The following ATP10A variants were observed in gnomAD, a reference collection of about 807,000 sequenced individuals.
ATP10A encodes ATPase phospholipid transporting 10A (putative).
In ATP10A, 111 loss-of-function variants were observed where a neutral mutation model predicts 147.8. The observed-to-expected ratio is 0.75, with a 90% CI of 0.64 to 0.88. ATP10A has a LOEUF of 0.88. ATP10A is among the 40% of genes least tolerant of loss of function. The pLI, the probability that ATP10A is intolerant of heterozygous loss-of-function variation, is 0.00. For synonymous variants in ATP10A, 875 were observed against 841.6 expected, an observed-to-expected ratio of 1.04 and a Z score of -0.69; for missense variants, 1,927 against 1,959.0, an observed-to-expected ratio of 0.98 and a Z score of 0.31.
intron 1 of ATP10A, among the ~76,000 whole-genome samples, chr15:25,808,291 G>A (rs12908555): frequency 0.48 from 73,760 of 152,130 alleles, 19,925 homozygotes; most frequent in East Asian, 0.8. Flanking sequence ...ATGGTCACAT[G>A]AGGAAGAGCA....
At chr15:25,812,456 G>T (rs556867514) in intron 1 of ATP10A, among the ~76,000 whole-genome samples, 60 of 152,222 alleles carry the variant, frequency 3.9e-4, no homozygotes, top group Non-Finnish European at 7.2e-4. Flanking sequence ...CATTCAAAGC[G>T]AGGGAAAATA....
chr15:25,827,002 G>A (rs1892146234), intron 1 of ATP10A, among the ~76,000 whole-genome samples: 2 of 152,124 alleles, frequency 1.3e-5, no homozygotes, highest in African/African-American at 4.8e-5. Context: ...GAAAGAATCT[G>A]GAAGAAAGAA....
intron 1 of ATP10A, among the ~76,000 whole-genome samples, chr15:25,816,980 A>C (rs112651504): frequency 0.039 from 6,000 of 151,962 alleles, 182 homozygotes; most frequent in Non-Finnish European, 0.057. Flanking sequence ...GTGTAGGAAA[A>C]AAAAATCCTA....
At chr15:25,676,816 A>C (rs1159963127), downstream of ATP10A, among the ~76,000 whole-genome samples, 1 of 152,112 alleles carries the variant, frequency 6.6e-6, no homozygotes, top group Non-Finnish European at 1.5e-5. Context: ...TATACTTCAC[A>C]TGCCTTCTTT....
chr15:25,802,019 G>A (rs1716515115), intron 1 of ATP10A, among the ~76,000 whole-genome samples: 1 of 152,164 alleles, frequency 6.6e-6, no homozygotes, highest in Admixed American at 6.5e-5. Context: ...AGGGCATGTG[G>A]CCTACTTGGG....
At position 25,793,450 on chromosome 15, in the gene ATP10A, A is replaced by G. The variant is rs547922568; in HGVS notation, c.450-12227T>C. Among the ~76,000 whole-genome samples the G allele has an allele frequency of 6.6e-5, 10 of 152,086 alleles. No individual in the cohort carries two copies. The East Asian group carries it at 1.9e-3, about 30-fold the overall frequency. On this transcript the variant is annotated intron_variant, in intron 1 of 20. Transcript: ENST00000555815. ...TGAGTACTGTGCAGTTTTTGTTCCT[A>G]TTTTTGTAGACCACCTTCCCCACTT...
chr15:25,807,798 A>T (rs931611207), intron 1 of ATP10A, among the ~76,000 whole-genome samples: 2 of 146,792 alleles, frequency 1.4e-5, no homozygotes, highest in Non-Finnish European at 3.0e-5. Flanking sequence ...GTGAAACTCC[A>T]TCCCCCCGGC....
chr15:25,735,239 C>T (rs766471745), intron 3 of ATP10A, among the ~76,000 whole-genome samples: 3 of 152,196 alleles, frequency 2.0e-5, no homozygotes, highest in Non-Finnish European at 2.9e-5. Context: ...CCTGTCACAG[C>T]CTTGTTCTCC....
upstream of ATP10A, among the ~76,000 whole-genome samples, chr15:25,863,412 C>T (rs1893868647): frequency 6.6e-6 from 1 of 152,076 alleles, no homozygotes; most frequent in Non-Finnish European, 1.5e-5. Context: ...CGGCCCCGCC[C>T]TCGTTCCGCG....
chr15:25,704,142 T>C (rs1331235612), intron 12 of ATP10A, among the ~76,000 whole-genome samples: 1 of 152,206 alleles, frequency 6.6e-6, no homozygotes, highest in Non-Finnish European at 1.5e-5. Context: ...CCCTGGCTCA[T>C]CCTGAGTGTC....
Position 25,862,986 on chromosome 15 carries a change from G to T in ATP10A, c.111C>A (p.Ala37=). The T allele has an allele frequency of 7.0e-7, 1 of 1,422,272 alleles. No homozygotes were observed. The highest frequency in any genetic ancestry group is 1.5e-5 in the South Asian group (1 of 65,472). The allele number at this position is 1,422,272 out of a possible 1,614,324, so 88.1% of individuals were successfully genotyped here. A position where few individuals can be genotyped will look rare whatever the true frequency, so the allele number is the denominator to read the frequency against. ...VRSNLLPPPG[A]EDPAAGAAKG... ...TGGCCGCGCCAGCCGCAGGGTCCTC[G>T]GCGCCCGGGGGCGGCAGCAGGTTGG... Residue 37 remains alanine, a synonymous_variant, in exon 1 of 21, where the codon GCC becomes GCA. Transcript: ENST00000555815.
chr15:25,696,691 TG>T (rs1218928803), intron 13 of ATP10A, among the ~76,000 whole-genome samples: 5 of 152,254 alleles, frequency 3.3e-5, no homozygotes, highest in African/African-American at 1.2e-4. Flanking sequence ...AACCTGGACG[TG>T]GGCTCCAAGG....
chr15:25,726,027 C>G lies in ATP10A; in HGVS notation c.903G>C (p.Lys301Asn). The G allele has an allele frequency of 6.2e-7, 1 of 1,614,172 alleles. No individual in the cohort carries two copies. The highest frequency in any genetic ancestry group is 8.5e-7 in the Non-Finnish European group (1 of 1,180,018). Residue 301 changes from lysine (K) to asparagine (N), a missense_variant, in exon 5 of 21, where the codon AAG becomes AAC. Transcript: ENST00000555815. ...CGTCGCAGTTCATCTGCCTCTCCAG[C>G]TTGCTGCGCTTGTAGCGGGGCCCAC... ...NNSGPRYKRS[K>N]LERQMNCDVL...
At chr15:25,756,050 C>G (rs1354914008) in intron 2 of ATP10A, among the ~76,000 whole-genome samples, 3 of 152,142 alleles carry the variant, frequency 2.0e-5, no homozygotes, top group South Asian at 4.1e-4. Context: ...GCCTTTACCC[C>G]TTCTTTGTTT....
At chr15:25,777,117 G>GTGTGTGTGTGTA (rs1889653523) in intron 2 of ATP10A, among the ~76,000 whole-genome samples, 1 of 151,632 alleles carries the variant, frequency 6.6e-6, no homozygotes, top group South Asian at 2.1e-4. Context: ...GTGTGTGTGT[G>GTGTGTGTGTGTA]TACCCGTTCC....
intron 2 of ATP10A, among the ~76,000 whole-genome samples, chr15:25,768,073 C>G (rs1405302075): frequency 2.4e-4 from 36 of 152,248 alleles, no homozygotes; most frequent in Admixed American, 2.4e-3. Context: ...GCAGAATCTA[C>G]AGGACTTGGC....
intron 3 of ATP10A, among the ~76,000 whole-genome samples, chr15:25,732,847 G>A (rs1036715853): frequency 2.1e-4 from 32 of 152,072 alleles, no homozygotes; most frequent in African/African-American, 7.0e-4. Flanking sequence ...GAGCCACCGC[G>A]CCCGGCCACG....
chr15:25,677,380 T>G (rs551429156), downstream of ATP10A: 1 of 152,290 alleles, frequency 6.6e-6, no homozygotes, highest in Admixed American at 6.5e-5. Context: ...GGCTGTGGGA[T>G]GCATATTCCT....
intron 1 of ATP10A, among the ~76,000 whole-genome samples, chr15:25,814,559 G>A (rs1431091969): frequency 6.6e-6 from 1 of 152,174 alleles, no homozygotes; most frequent in East Asian, 1.9e-4. Flanking sequence ...AGTACCATCC[G>A]TGATGACAGG....
Sources: gnomAD v4.1 joint callset for allele counts (sites outside exome capture counted in the v4.1 genomes callset) on GRCh38, gnomAD v4.1.1 for gene constraint, MANE v1.5 for transcripts, NCBI Gene and HGNC (gene_info 2026-07-23, HGNC 2026-07-21) for gene names.